Variants in AKAP13 observed in about 807,000 individuals in gnomAD.
AKAP13 encodes the protein A-kinase anchor protein 13.
A neutral mutation model predicts 264.5 loss-of-function variants in AKAP13; 80 were observed. The observed-to-expected ratio is 0.30, with a 90% CI of 0.25 to 0.36. AKAP13 has a LOEUF of 0.36. Ranked by LOEUF, AKAP13 falls within the 10% of genes least tolerant of loss-of-function variation. The probability of loss-of-function intolerance (pLI) is 1.00; values close to 1 mark genes in which losing one functional copy is unlikely to be tolerated. For missense variants in AKAP13, 3,712 were observed against 3,435.2 expected (o/e 1.08, Z -2.01); for synonymous variants, 1,380 against 1,250.2 (o/e 1.10, Z -2.19).
intron 1 of AKAP13, among the ~76,000 whole-genome samples, chr15:85,431,761 C>T (rs972109788): frequency 2.0e-5 from 3 of 152,142 alleles, no homozygotes; most frequent in African/African-American, 7.2e-5. Context: ...TTACATTTTA[C>T]AATATTCTTG....
chr15:85,516,725 C>T (rs1200189954), intron 2 of AKAP13, among the ~76,000 whole-genome samples: 2 of 152,148 alleles, frequency 1.3e-5, no homozygotes, highest in Non-Finnish European at 2.9e-5. Flanking sequence ...AGAAAGCCCT[C>T]ATTTATATCA....
intron 35 of AKAP13, among the ~76,000 whole-genome samples, chr15:85,742,851 T>C (rs1480816569): frequency 6.6e-6 from 1 of 152,174 alleles, no homozygotes; most frequent in African/African-American, 2.4e-5. Flanking sequence ...GGGGCAGTTG[T>C]AGCTTTCTGC....
chr15:85,649,216 G>A (rs1596890235), intron 10 of AKAP13, among the ~76,000 whole-genome samples: 1 of 152,344 alleles, frequency 6.6e-6, no homozygotes, highest in Admixed American at 6.5e-5. Flanking sequence ...TAGAGGCACT[G>A]ATAGGTAAAG....
intron 1 of AKAP13, among the ~76,000 whole-genome samples, chr15:85,412,892 C>G (rs11635524): frequency 6.6e-6 from 1 of 152,366 alleles, no homozygotes; most frequent in Non-Finnish European, 1.5e-5. Context: ...ATTATCTCCT[C>G]TAACCTTTAT....
At chr15:85,476,198 A>G (rs771981421) in intron 1 of AKAP13, among the ~76,000 whole-genome samples, 8 of 152,118 alleles carry the variant, frequency 5.3e-5, no homozygotes, top group Non-Finnish European at 8.8e-5. Flanking sequence ...AAGGTGTGGT[A>G]TGGAAGAAAA....
At chr15:85,644,693 C>CAAAAAAAAAAAAAAAA (rs1161365911) in intron 9 of AKAP13, among the ~76,000 whole-genome samples, 4 of 103,904 alleles carry the variant, frequency 3.8e-5, no homozygotes, top group Admixed American at 1.1e-4. Context: ...ACTAAAAATA[C>CAAAAAAAAAAAAAAAA]AAAAAAAAAA....
intron 8 of AKAP13, among the ~76,000 whole-genome samples, chr15:85,610,593 T>C (rs566966759): frequency 6.6e-6 from 1 of 152,354 alleles, no homozygotes; most frequent in East Asian, 1.9e-4. Flanking sequence ...AGTAATCTTA[T>C]AGCAACCATT....
chr15:85,577,620 A>G (rs867769680), intron 6 of AKAP13: 6 of 170,436 alleles, frequency 3.5e-5, no homozygotes, highest in African/African-American at 9.6e-5. Context: ...GCTGTTGGTT[A>G]TATCTGTTTA....
intron 17 of AKAP13, among the ~76,000 whole-genome samples, chr15:85,704,073 G>A (rs1029194331): frequency 6.6e-6 from 1 of 152,072 alleles, no homozygotes; most frequent in East Asian, 1.9e-4. Flanking sequence ...ATCCTTAAAG[G>A]TAATTCCTCA....
chr15:85,741,232 C>A lies in AKAP13; in HGVS notation c.7795C>A (p.Arg2599Ser). The A allele has an allele frequency of 6.2e-7, 1 of 1,609,052 alleles. No homozygotes were observed. Among genetic ancestry groups the A allele is most frequent in the Non-Finnish European group, 8.5e-7 (1 of 1,177,786 alleles). Residue 2599 changes from arginine (R) to serine (S), a missense_variant, in exon 35 of 37, where the codon CGC becomes AGC. Physicochemically the swap from Arg to Ser is moderately radical, Grantham distance 110 (BLOSUM62 -1). Around this residue, in one of 3 missense-constraint regions of AKAP13, gnomAD observed 611 missense variants for 539.3 expected, o/e 1.13. Transcript: ENST00000394518. ...KQQAQYLEEK[R>S]RREREWEARE... Reference sequence around the variant, plus strand: ...GCAGGCCCAGTACCTCGAGGAGAAGCGCAGGCGCGAGCGTGAGTGGGAAGC... The same window carrying A: ...GCAGGCCCAGTACCTCGAGGAGAAGAGCAGGCGCGAGCGTGAGTGGGAAGC...
intron 8 of AKAP13, among the ~76,000 whole-genome samples, chr15:85,630,791 A>G (rs1217177306): frequency 1.3e-5 from 2 of 152,210 alleles, no homozygotes; most frequent in Non-Finnish European, 2.9e-5. Flanking sequence ...AAGATAACAA[A>G]AATAGGTGTT....
chr15:85,572,794 T>C (rs1435751938), intron 5 of AKAP13, among the ~76,000 whole-genome samples: 1 of 152,218 alleles, frequency 6.6e-6, no homozygotes, highest in Non-Finnish European at 1.5e-5. Context: ...ACGTTAGGTA[T>C]TTCTGCTAAT....
At chr15:85,614,120 C>T (rs1332591844) in intron 8 of AKAP13, among the ~76,000 whole-genome samples, 1 of 152,068 alleles carries the variant, frequency 6.6e-6, no homozygotes, top group Non-Finnish European at 1.5e-5. Context: ...CCAGTGTGCA[C>T]CATGTCAGAG....
Position 85,552,132 on chromosome 15 carries a change from AC to A in AKAP13, c.662+8178del, listed in dbSNP as rs2077979495. Reference sequence around the variant, plus strand: ...AATAAATATGAGGTAGTAAAAAAATACAACCAATCCTATGCATTTATTAATA... The same window carrying A: ...AATAAATATGAGGTAGTAAAAAAATAAACCAATCCTATGCATTTATTAATA... On this transcript the variant is annotated intron_variant, in intron 5 of 36. Transcript: ENST00000394518. 1.3e-5 allele frequency among the ~76,000 whole-genome samples: 2 copies of A among 152,252 alleles called. 1 individual carries two copies. Among genetic ancestry groups the A allele is most frequent in the Admixed American group, 1.3e-4 (2 of 15,290 alleles).
intron 1 of AKAP13, among the ~76,000 whole-genome samples, chr15:85,478,921 G>A (rs2075268039): frequency 6.6e-6 from 1 of 152,038 alleles, no homozygotes; most frequent in African/African-American, 2.4e-5. Context: ...ACTCTTTCTG[G>A]TCCTGGGAAT....
At chr15:85,400,695 T>C (rs2071379440) in intron 1 of AKAP13, among the ~76,000 whole-genome samples, 1 of 152,064 alleles carries the variant, frequency 6.6e-6, no homozygotes, top group African/African-American at 2.4e-5. Context: ...TAGGAAGTTG[T>C]AAGTCAGGTA....
rs1192707103 is a variant in AKAP13 at position 85,562,686 on chromosome 15, CT to C, written c.663-12441del. Among the ~76,000 whole-genome samples the C allele has an allele frequency of 1.8e-4, 11 of 61,100 alleles. 1 individual carries two copies. In the South Asian group the frequency reaches 4.0e-3, roughly 22 times the overall value. 40.1% of individuals were successfully genotyped at this position (61,100 alleles called of 152,430 possible). Reference sequence around the variant, plus strand: ...ACTTTCCTTTTCTTTCTTTTCTTTTCTTTTCTTTTTTTTTTTTTTTTTTTTT... The same window carrying C: ...ACTTTCCTTTTCTTTCTTTTCTTTTCTTTCTTTTTTTTTTTTTTTTTTTTT... On this transcript the variant is annotated intron_variant, in intron 5 of 36. Coordinates refer to ENST00000394518, the MANE Select transcript of AKAP13 (RefSeq NM_007200.5).
intron 1 of AKAP13, among the ~76,000 whole-genome samples, chr15:85,452,927 G>A (rs986750996): frequency 3.9e-5 from 6 of 152,310 alleles, no homozygotes; most frequent in African/African-American, 1.4e-4. Flanking sequence ...TTGGCCAAGG[G>A]TTGTTTGCTT....
At chr15:85,498,199 G>T (rs868424362) in intron 2 of AKAP13, among the ~76,000 whole-genome samples, 4,868 of 130,628 alleles carry the variant, frequency 0.037, 263 homozygotes, top group East Asian at 0.19. Flanking sequence ...AATGAAGTGA[G>T]ATATATATAT....
Sources: gnomAD v4.1 joint callset for allele counts (sites outside exome capture counted in the v4.1 genomes callset) on GRCh38, gnomAD v4.1.1 for gene constraint, gnomAD v4.1.1 regional missense constraint, MANE v1.5 for transcripts, NCBI Gene and HGNC (gene_info 2026-07-23, HGNC 2026-07-21) for gene names.